PTPRN2: variants seen among roughly 807,000 people sequenced by gnomAD.
The protein encoded by PTPRN2 is protein tyrosine phosphatase receptor type N2.
PTPRN2 carries 74 observed loss-of-function variants against 118.8 expected under a neutral mutation model. The observed-to-expected ratio is 0.62, with a 90% CI of 0.52 to 0.76. PTPRN2 has a LOEUF of 0.76. Ranked by LOEUF, PTPRN2 falls within the 30% of genes least tolerant of loss-of-function variation. The probability of loss-of-function intolerance (pLI) is 0.00; values close to 1 mark genes in which losing one functional copy is unlikely to be tolerated. For synonymous variants in PTPRN2, 641 were observed against 608.0 expected, an observed-to-expected ratio of 1.05 and a Z score of -0.80; for missense variants, 1,481 against 1,394.4, an observed-to-expected ratio of 1.06 and a Z score of -0.99.
chr7:158,490,208 C>A lies in PTPRN2; in HGVS notation c.113-423G>T, dbSNP rs1821344744. Reference sequence around the variant, plus strand: ...GCTGCCGGGCGCCGGGGAGCGGAGGCTTCCAGGGAGGTAACGAGCTCCGCG... The same window carrying A: ...GCTGCCGGGCGCCGGGGAGCGGAGGATTCCAGGGAGGTAACGAGCTCCGCG... On this transcript the variant is annotated intron_variant, in intron 1 of 22. Transcript: ENST00000389418. 3.3e-5 allele frequency among the ~76,000 whole-genome samples: 5 copies of A among 152,250 alleles called. No individual in the cohort carries two copies. In the South Asian group the frequency reaches 1.0e-3, roughly 31 times the overall value.
At chr7:158,334,663 C>T (rs1428317422) in intron 2 of PTPRN2, among the ~76,000 whole-genome samples, 5 of 84,276 alleles carry the variant, frequency 5.9e-5, no homozygotes, top group Middle Eastern at 5.9e-3. Flanking sequence ...ATTGGTGACA[C>T]CTGCAGACGT....
In PTPRN2 at chr7:157,764,326, C is replaced by T. The variant is rs1563083693; in HGVS notation, c.1789-81389G>A. On this transcript the variant is annotated intron_variant, in intron 12 of 22. Transcript: ENST00000389418. This position sits in a 1 kb window ranked among gnomAD's most constrained non-coding sequence, Gnocchi z 4.5. ...CACAGAAGCCAAGAGGTGAGGCCACCCAAGCGTCCACCAATGGAAGAAAAG... is the reference window on the plus strand; with the variant it reads ...CACAGAAGCCAAGAGGTGAGGCCACTCAAGCGTCCACCAATGGAAGAAAAG... 6.6e-6 allele frequency among the ~76,000 whole-genome samples: 1 copy of T among 152,170 alleles called. No individual in the cohort carries two copies. The highest frequency in any genetic ancestry group is 1.5e-5 in the Non-Finnish European group (1 of 68,036).
chr7:158,409,973 C>T lies in PTPRN2; in HGVS notation c.163+79762G>A, dbSNP rs996781961. On this transcript the variant is annotated intron_variant, in intron 2 of 22. Transcript: ENST00000389418. ...TGAAAACTTGAGAAGATGGGGTGTG[C>T]CCCCACAGCCCCAGCTGCCTGAGGT... is the stretch of plus-strand genomic sequence containing the variant. 2.0e-4 allele frequency among the ~76,000 whole-genome samples: 30 copies of T among 152,304 alleles called. 1 individual carries two copies. Among genetic ancestry groups the T allele is most frequent in the Admixed American group, 1.1e-3 (17 of 15,304 alleles).
intron 13 of PTPRN2, chr7:157,669,468 G>A (rs934002904): frequency 1.1e-4 from 52 of 461,970 alleles, no homozygotes; most frequent in Middle Eastern, 3.2e-4. Context: ...TGACAGCAGC[G>A]CCCAAGCCAG....
At chr7:158,094,260 C>T (rs916411160) in intron 10 of PTPRN2, among the ~76,000 whole-genome samples, 1 of 152,174 alleles carries the variant, frequency 6.6e-6, no homozygotes, top group African/African-American at 2.4e-5. Context: ...CAGCAGAACG[C>T]TCGCCATTCC....
intron 6 of PTPRN2, 67 bp from the exon 7 acceptor site, chr7:158,138,582 C>A: frequency 6.8e-7 from 1 of 1,472,064 alleles, no homozygotes; most frequent in Non-Finnish European, 9.3e-7. Flanking sequence ...GGCCTCCAGA[C>A]CATAGGGGTG....
chr7:158,070,516 GCT>G (rs1811196111), intron 11 of PTPRN2, among the ~76,000 whole-genome samples: 2 of 137,248 alleles, frequency 1.5e-5, no homozygotes, highest in African/African-American at 5.9e-5. Context: ...TGGTGGAGGT[GCT>G]CCTGGTGGTG....
At chr7:157,922,773 G>A (rs952364655) in intron 11 of PTPRN2, among the ~76,000 whole-genome samples, 4 of 151,984 alleles carry the variant, frequency 2.6e-5, no homozygotes, top group African/African-American at 9.7e-5. Context: ...AAACCAGCCT[G>A]AGTTGGGAAA....
At chr7:157,549,142 C>G (rs1198705341) in intron 21 of PTPRN2, 123 bp from the exon 22 acceptor site, 5 of 934,610 alleles carry the variant, frequency 5.3e-6, no homozygotes, top group Non-Finnish European at 8.5e-6. Context: ...TTACGCTCAT[C>G]CCTCAGCCGG....
At chr7:158,472,617 A>G (rs1013586313) in intron 2 of PTPRN2, among the ~76,000 whole-genome samples, 1 of 152,214 alleles carries the variant, frequency 6.6e-6, no homozygotes, top group African/African-American at 2.4e-5. Flanking sequence ...AGCTTTGCAC[A>G]CAGACTCAGA....
At chr7:157,689,141 G>A (rs563651119) in intron 12 of PTPRN2, among the ~76,000 whole-genome samples, 2 of 152,372 alleles carry the variant, frequency 1.3e-5, no homozygotes, top group African/African-American at 4.8e-5. Flanking sequence ...GTGTGCTTGG[G>A]AGGGGGCGGG....
chr7:158,089,931 A>G (rs202121740), intron 10 of PTPRN2, among the ~76,000 whole-genome samples: 5 of 38,904 alleles, frequency 1.3e-4, no homozygotes, highest in African/African-American at 1.9e-4. Flanking sequence ...CGAAAGAGGG[A>G]GTCTTCACAC....
In PTPRN2 at chr7:157,799,794, C is replaced by T. The variant is rs549234861; in HGVS notation, c.1788+98879G>A. Among the ~76,000 whole-genome samples, 163 of 120,706 alleles carry T rather than the reference C, an allele frequency of 1.4e-3. 3 individuals carry two copies. The highest frequency in any genetic ancestry group is 5.3e-3 in the African/African-American group (151 of 28,550). 79.2% of individuals were successfully genotyped at this position (120,706 alleles called of 152,430 possible). ...CTCCATCCCTCAGAGTCACCACAAT[C>T]GGCCTACCCCGTCCCTCAGAGGCAC... On this transcript the variant is annotated intron_variant, in intron 12 of 22. Transcript: ENST00000389418.
chr7:158,248,622 ACACG>A (rs1326156545), intron 3 of PTPRN2, among the ~76,000 whole-genome samples: 2 of 151,762 alleles, frequency 1.3e-5, no homozygotes, highest in South Asian at 2.1e-4. Flanking sequence ...ATGCACATAC[ACACG>A]CACACACACC....
intron 11 of PTPRN2, among the ~76,000 whole-genome samples, chr7:158,026,926 G>A (rs1807318073): frequency 6.6e-6 from 1 of 152,264 alleles, no homozygotes; most frequent in African/African-American, 2.4e-5. Context: ...CACTGTGTCA[G>A]TTGGCACTGC....
chr7:158,147,836 C>G lies in PTPRN2; in HGVS notation c.911-9321G>C, dbSNP rs959620636. Among the ~76,000 whole-genome samples, 18 of 131,606 alleles carry G rather than the reference C, an allele frequency of 1.4e-4. No individual in the cohort carries two copies. The East Asian group carries it at 2.8e-3, about 20-fold the overall frequency. 86.3% of individuals were successfully genotyped at this position (131,606 alleles called of 152,430 possible). On this transcript the variant is annotated intron_variant, in intron 6 of 22. Coordinates refer to ENST00000389418, the MANE Select transcript of PTPRN2 (RefSeq NM_002847.5). ...CACGTCTTTCCCCCTCAATGACACC[C>G]CATCTCACGCCACGTGTCTTTCCCC...
chr7:158,516,863 T>C (rs887479439), intron 1 of PTPRN2, among the ~76,000 whole-genome samples: 37 of 151,184 alleles, frequency 2.4e-4, no homozygotes, highest in Non-Finnish European at 4.3e-4. Flanking sequence ...CCTATTGTTC[T>C]TGGTGCTGTT....
At chr7:158,307,544 A>G (rs1482107574) in intron 3 of PTPRN2, among the ~76,000 whole-genome samples, 1 of 152,216 alleles carries the variant, frequency 6.6e-6, no homozygotes, top group Non-Finnish European at 1.5e-5. Flanking sequence ...AAAATTCCCA[A>G]AACTAGATGG....
chr7:158,137,088 A>T (rs1818893459), intron 7 of PTPRN2, among the ~76,000 whole-genome samples: 1 of 152,134 alleles, frequency 6.6e-6, no homozygotes, highest in South Asian at 2.1e-4. Context: ...GAATCCACTG[A>T]CTTAGGTTAT....
Sources: allele counts gnomAD v4.1 joint callset (sites outside exome capture counted in the v4.1 genomes callset), GRCh38; gene constraint gnomAD v4.1.1; non-coding constraint Gnocchi (gnomAD v3.1); transcripts MANE v1.5; gene names NCBI Gene and HGNC (gene_info 2026-07-23, HGNC 2026-07-21).